The following DLGAP2 variants were observed in gnomAD, a reference collection of about 807,000 sequenced individuals.
DLGAP2 encodes DLG associated protein 2, also known as disks large-associated protein 2.
A neutral mutation model predicts 100.3 loss-of-function variants in DLGAP2; 26 were observed. The observed-to-expected ratio is 0.26, with a 90% CI of 0.19 to 0.36. The LOEUF (loss-of-function observed/expected upper bound fraction) is 0.36. DLGAP2 is among the 10% of genes least tolerant of loss of function. The probability of loss-of-function intolerance (pLI) is 1.00; values close to 1 mark genes in which losing one functional copy is unlikely to be tolerated. For synonymous variants in DLGAP2, 886 were observed against 630.1 expected (o/e 1.41, Z -6.08); for missense variants, 1,858 against 1,453.2 (o/e 1.28, Z -4.53).
chr8:940,750 C>A (rs1309148121), intron 2 of DLGAP2, among the ~76,000 whole-genome samples: 2 of 152,236 alleles, frequency 1.3e-5, no homozygotes, highest in Non-Finnish European at 2.9e-5. Context: ...TAGTTTTCTG[C>A]AGCCACTTTT....
rs548946413 is a variant in DLGAP2, at chr8:1,020,307, G to A, written c.73+112341G>A. On this transcript the variant is annotated intron_variant, in intron 2 of 14. Coordinates refer to ENST00000637795, the MANE Select transcript of DLGAP2 (RefSeq NM_001346810.2). ...CCGTTAATTGCTAACCTGAGAGAAC[G>A]TTTGTATTCCAGGCTGTCATGAAGC... 5.9e-5 allele frequency among the ~76,000 whole-genome samples: 9 copies of A among 152,298 alleles called. No homozygotes were observed. The South Asian group carries it at 1.7e-3, about 28-fold the overall frequency.
chr8:1,254,888 C>CGTGCTGTGTGTGTGCTCTCTGCTGCCCGG (rs1799137817), intron 2 of DLGAP2, among the ~76,000 whole-genome samples: 4 of 128,738 alleles, frequency 3.1e-5, no homozygotes, highest in Admixed American at 7.4e-5. Flanking sequence ...CTCCTGCCCG[C>CGTGCTGTGTGTGTGCTCTCTGCTGCCCGG]GTGCTGTGTC....
In DLGAP2 at chr8:773,504, C is replaced by T. The variant is rs540204786; in HGVS notation, c.18+35679C>T. 1.4e-4 allele frequency among the ~76,000 whole-genome samples: 20 copies of T among 146,016 alleles called. 1 individual carries two copies. The highest frequency in any genetic ancestry group is 2.6e-4 in the Non-Finnish European group (17 of 66,490). ...CAGTGCTATCCCTCCCCCCTCCCCC[C>T]ACTCCACAACAGTCCCCAGAGTGTG... is the stretch of plus-strand genomic sequence containing the variant. On this transcript the variant is annotated intron_variant, in intron 1 of 14. Transcript: ENST00000637795.
At chr8:1,542,662 T>A (rs1411879797) in intron 4 of DLGAP2, among the ~76,000 whole-genome samples, 1 of 152,218 alleles carries the variant, frequency 6.6e-6, no homozygotes, top group Non-Finnish European at 1.5e-5. Context: ...TGAGGTCGTC[T>A]CCACTTTTTG....
At chr8:1,062,006 T>C (rs746687537) in intron 2 of DLGAP2, among the ~76,000 whole-genome samples, 1 of 150,346 alleles carries the variant, frequency 6.7e-6, no homozygotes, top group African/African-American at 2.4e-5. Flanking sequence ...CCTGTCTAAA[T>C]AGGGATCATT....
intron 2 of DLGAP2, among the ~76,000 whole-genome samples, chr8:1,217,502 G>C (rs1798237622): frequency 6.6e-6 from 1 of 152,118 alleles, no homozygotes; most frequent in Non-Finnish European, 1.5e-5. Flanking sequence ...TCAAATGGTA[G>C]TTCTAGTTTT....
chr8:1,506,132 A>C (rs1799904318), intron 4 of DLGAP2, among the ~76,000 whole-genome samples: 1 of 152,200 alleles, frequency 6.6e-6, no homozygotes, highest in Non-Finnish European at 1.5e-5. Flanking sequence ...GCATAGCTTT[A>C]ATCATCTCCA....
chr8:741,349 G>T (rs1484509746), intron 1 of DLGAP2, among the ~76,000 whole-genome samples: 2 of 152,186 alleles, frequency 1.3e-5, no homozygotes, highest in African/African-American at 4.8e-5. Flanking sequence ...AAAGGCAGTA[G>T]GAGCTCATTT....
chr8:834,900 C>G (rs1457320505), intron 1 of DLGAP2, among the ~76,000 whole-genome samples: 1 of 152,176 alleles, frequency 6.6e-6, no homozygotes, highest in Non-Finnish European at 1.5e-5. Flanking sequence ...AACAAACTTT[C>G]TAGAATGAGA....
At chr8:1,442,079 AC>A (rs1185878875) in intron 3 of DLGAP2, among the ~76,000 whole-genome samples, 1 of 152,240 alleles carries the variant, frequency 6.6e-6, no homozygotes, top group Non-Finnish European at 1.5e-5. Flanking sequence ...CTCAGGAGCA[AC>A]AGAGTGAGCA....
intron 2 of DLGAP2, among the ~76,000 whole-genome samples, chr8:928,416 C>G (rs1798866438): frequency 6.6e-6 from 1 of 152,132 alleles, no homozygotes; most frequent in Non-Finnish European, 1.5e-5. Flanking sequence ...CGTGGATTTA[C>G]TGTGCCCTTA....
rs146286300 is a variant in DLGAP2, at chr8:1,335,986, C to A, written c.106+77103C>A. Among the ~76,000 whole-genome samples, 603 of 152,258 alleles carry A rather than the reference C, an allele frequency of 4.0e-3. 5 individuals are homozygous for A. Among genetic ancestry groups the A allele is most frequent in the South Asian group, 0.014 (69 of 4,826 alleles). On this transcript the variant is annotated intron_variant, in intron 3 of 14. Coordinates refer to ENST00000637795, the MANE Select transcript of DLGAP2 (RefSeq NM_001346810.2). ...TAGAACTGGGGCTTTGTGCTTTTTC[C>A]GGTAAAGAGCTCCAGGGGGGAAAAC...
intron 6 of DLGAP2, among the ~76,000 whole-genome samples, chr8:1,567,412 C>T (rs1398794766): frequency 3.9e-5 from 6 of 152,248 alleles, no homozygotes; most frequent in South Asian, 2.1e-4. Flanking sequence ...CATTGGTTAA[C>T]TTCCCACTTT....
intron 2 of DLGAP2, among the ~76,000 whole-genome samples, chr8:1,223,266 A>G (rs1798352731): frequency 1.3e-5 from 2 of 152,056 alleles, no homozygotes; most frequent in South Asian, 4.2e-4. Context: ...CTCACTGTCC[A>G]CTTTGAAAGC....
chr8:1,467,896 A>G (rs1798670149), intron 3 of DLGAP2, among the ~76,000 whole-genome samples: 1 of 152,194 alleles, frequency 6.6e-6, no homozygotes, highest in Non-Finnish European at 1.5e-5. Flanking sequence ...AGGCCACCAC[A>G]TCATACAGCT....
rs1798564205 is a variant in DLGAP2, at chr8:1,232,774, T to C, written c.74-26077T>C. Reference sequence around the variant, plus strand: ...ACACATTCATTTCTTCCACTAACTTTTTTGAGTAACTTTATTGAAGTGTAG... The same window carrying C: ...ACACATTCATTTCTTCCACTAACTTCTTTGAGTAACTTTATTGAAGTGTAG... On this transcript the variant is annotated intron_variant, in intron 2 of 14. Coordinates refer to ENST00000637795, the MANE Select transcript of DLGAP2 (RefSeq NM_001346810.2). Among the ~76,000 whole-genome samples the C allele has an allele frequency of 2.0e-5, 3 of 152,236 alleles. No individual in the cohort carries two copies. In the South Asian group the frequency reaches 6.2e-4, roughly 32 times the overall value.
At position 1,418,732 on chromosome 8, in the gene DLGAP2, C is replaced by G. The variant is rs150676872; in HGVS notation, c.107-82634C>G. 8.6e-4 allele frequency among the ~76,000 whole-genome samples: 131 copies of G among 152,338 alleles called. 4 individuals carry two copies. In the South Asian group the frequency reaches 0.026, roughly 30 times the overall value. ...TTCCCATGCACCGTTTCTCCCACTA[C>G]CAGGACACCAACTGGGCGTCCTCTA... On this transcript the variant is annotated intron_variant, in intron 3 of 14. Transcript: ENST00000637795.
intron 1 of DLGAP2, among the ~76,000 whole-genome samples, chr8:754,704 A>G (rs1820879787): frequency 2.0e-5 from 3 of 152,140 alleles, no homozygotes; most frequent in East Asian, 1.9e-4. Context: ...TTAGCCAGGC[A>G]TGGTGGTGTG....
chr8:1,259,077 G>A (rs920597231), intron 3 of DLGAP2, among the ~76,000 whole-genome samples, 194 bp downstream of exon 3: 10 of 152,240 alleles, frequency 6.6e-5, no homozygotes, highest in East Asian at 1.9e-4. Flanking sequence ...TCAGCAGCTC[G>A]TCTCTGAAGA....
Sources: gnomAD v4.1 joint callset for allele counts (sites outside exome capture counted in the v4.1 genomes callset) on GRCh38, gnomAD v4.1.1 for gene constraint, MANE v1.5 for transcripts, NCBI Gene and HGNC (gene_info 2026-07-23, HGNC 2026-07-21) for gene names.